The following POFUT2 variants were observed in gnomAD, a reference collection of about 807,000 sequenced individuals.
The protein encoded by POFUT2 is GDP-fucose protein O-fucosyltransferase 2.
In POFUT2, 30 loss-of-function variants were observed where a neutral mutation model predicts 55.0. That is an observed-to-expected ratio of 0.55 (90% CI 0.41 to 0.74). The LOEUF is 0.74. Ranked by LOEUF, POFUT2 falls within the 30% of genes least tolerant of loss-of-function variation. The pLI is 0.00. For missense variants in POFUT2, 524 were observed against 562.6 expected, an observed-to-expected ratio of 0.93 and a Z score of 0.69; for synonymous variants, 267 against 231.1, an observed-to-expected ratio of 1.16 and a Z score of -1.41.
chr21:45,267,844 C>A lies in POFUT2; in HGVS notation c.1013-131G>T. ...TAGGAACTGGCTCCAAAGGTGCAGA[C>A]ACACAACTCAGCTTTACCCTCCCAG... On this transcript the variant is annotated intron_variant, in intron 7 of 8. Coordinates refer to ENST00000349485, the MANE Select transcript of POFUT2 (RefSeq NM_133635.6). This position sits in a 1 kb window ranked among gnomAD's most constrained non-coding sequence, Gnocchi z 4.4. The A allele has an allele frequency of 1.3e-6, 1 of 751,804 alleles. No homozygotes were observed. The highest frequency in any genetic ancestry group is 1.7e-5 in the African/African-American group (1 of 57,610). 46.6% of individuals were successfully genotyped at this position (751,804 alleles called of 1,614,324 possible).
intron 4 of POFUT2, among the ~76,000 whole-genome samples, chr21:45,279,996 C>G (rs1428107050): frequency 6.6e-6 from 1 of 152,176 alleles, no homozygotes; most frequent in Admixed American, 6.5e-5. Context: ...GCCTCCGGCC[C>G]TGCTTCTAAT....
In POFUT2 at chr21:45,279,888, G is replaced by A. The variant is rs6650863; in HGVS notation, c.639-1719C>T. 8.9e-3 allele frequency among the ~76,000 whole-genome samples: 1,349 copies of A among 152,332 alleles called. 4 individuals are homozygous for A. The highest frequency in any genetic ancestry group is 0.027 in the Middle Eastern group (8 of 294). ...ACTGAAAACCGCATGGAGAGGGCAC[G>A]TGTGGTGATTCCACGTGTGTTTCAA... On this transcript the variant is annotated intron_variant, in intron 4 of 8. Coordinates refer to ENST00000349485, the MANE Select transcript of POFUT2 (RefSeq NM_133635.6).
rs145949373 is a variant in POFUT2 at position 45,285,833 on chromosome 21, G to A, written c.227C>T (p.Thr76Met). ...AGGCAGGACAAGCACCCACTCCTCC[G>A]TCTTCAGCAGAGTCTTCAGGAGAGA... is the stretch of plus-strand genomic sequence containing the variant. The part of the protein sequence containing the change: ...IASLLKTLLK[T>M]EEWVLVLPPW... Residue 76 changes from threonine to methionine, a missense_variant, in exon 2 of 9, where the codon ACG (threonine) becomes ATG (methionine). This residue lies in a region of POFUT2 where 274 missense variants were observed against 244.4 expected (regional missense o/e 1.12). Transcript: ENST00000349485. The surrounding 1 kb of genome is among the most constrained non-coding windows in gnomAD (Gnocchi z 4.9). 148 of 1,613,412 alleles carry A rather than the reference G, an allele frequency of 9.2e-5. No individual in the cohort carries two copies. In the African/African-American group the frequency reaches 1.8e-3, roughly 19 times the overall value.
rs1418682135 is a variant in POFUT2, at chr21:45,282,245, G to A, written c.638+104C>T. The A allele has an allele frequency of 6.6e-6, 5 of 763,150 alleles. No homozygotes were observed. Among genetic ancestry groups the A allele is most frequent in the Non-Finnish European group, 1.1e-5 (5 of 448,340 alleles). 47.3% of individuals were successfully genotyped at this position (763,150 alleles called of 1,614,324 possible). A position where few individuals can be genotyped will look rare whatever the true frequency, so the allele number is the denominator to read the frequency against. ...CCAGGGTCCGCTGTCTGTGAGGTGGGTGGGCCAGGGATGCGGGAGTATGGG... is the reference window on the plus strand; with the variant it reads ...CCAGGGTCCGCTGTCTGTGAGGTGGATGGGCCAGGGATGCGGGAGTATGGG... On this transcript the variant is annotated intron_variant, in intron 4 of 8. Coordinates refer to ENST00000349485, the MANE Select transcript of POFUT2 (RefSeq NM_133635.6). This position sits in a 1 kb window ranked among gnomAD's most constrained non-coding sequence, Gnocchi z 4.6.
At position 45,278,088 on chromosome 21, in the gene POFUT2, C is replaced by G; in HGVS notation, c.705+15G>C. ...ATACACTAACTGAGAAAAACGCTCC[C>G]GAGGAAACACTCACATCCCAGTATT... On this transcript the variant is annotated intron_variant, in intron 5 of 8. Coordinates refer to ENST00000349485, the MANE Select transcript of POFUT2 (RefSeq NM_133635.6). The G allele has an allele frequency of 6.2e-7, 1 of 1,608,106 alleles. No individual in the cohort carries two copies. Among genetic ancestry groups the G allele is most frequent in the South Asian group, 1.1e-5 (1 of 90,952 alleles).
intron 4 of POFUT2, 24 bp from the exon 5 acceptor site, chr21:45,278,193 A>G (rs2030041998): frequency 6.3e-7 from 1 of 1,584,510 alleles, no homozygotes; most frequent in Non-Finnish European, 8.7e-7. Context: ...ACAGAAGAAT[A>G]AACAGTTATA....
rs112847906 is a variant in POFUT2 at position 45,265,972 on chromosome 21, C to T, written c.1137-337G>A. On this transcript the variant is annotated intron_variant, in intron 8 of 8. Coordinates refer to ENST00000349485, the MANE Select transcript of POFUT2 (RefSeq NM_133635.6). This position sits in a 1 kb window ranked among gnomAD's most constrained non-coding sequence, Gnocchi z 4.6. The stretch of plus-strand genomic sequence containing the variant: ...CCAGGCCAGGCACGCCAGTGCAGGT[C>T]GAATACCTCCTGGGGGTCACATGGT... 0.024 allele frequency: 29,886 copies of T among 1,232,264 alleles called. 409 individuals carry two copies. Among genetic ancestry groups the T allele is most frequent in the Non-Finnish European group, 0.028 (26,998 of 968,492 alleles). The allele number at this position is 1,232,264 out of a possible 1,614,324, so 76.3% of individuals were successfully genotyped here. A position where few individuals can be genotyped will look rare whatever the true frequency, so the allele number is the denominator to read the frequency against.
intron 7 of POFUT2, among the ~76,000 whole-genome samples, chr21:45,268,521 C>G: frequency 6.8e-6 from 1 of 147,914 alleles, no homozygotes; most frequent in South Asian, 2.2e-4. Context: ...CGGCCGCCAT[C>G]CCATCTAGGA....
At chr21:45,271,037 C>A (rs1869108799) in intron 6 of POFUT2, among the ~76,000 whole-genome samples, 1 of 151,994 alleles carries the variant, frequency 6.6e-6, no homozygotes, top group Non-Finnish European at 1.5e-5. Flanking sequence ...TGGATCCAAA[C>A]CAGGAAGAAA....
In POFUT2 at chr21:45,265,761, C is replaced by A. The variant is rs1306129316; in HGVS notation, c.1137-126G>T. ...CACAGTTACATGGAACCAACACGGC[C>A]GTCCCCCGAGCACCCACCAGCCGGC... On this transcript the variant is annotated intron_variant, in intron 8 of 8. Coordinates refer to ENST00000349485, the MANE Select transcript of POFUT2 (RefSeq NM_133635.6). The surrounding 1 kb of genome is among the most constrained non-coding windows in gnomAD (Gnocchi z 4.6). The A allele has an allele frequency of 6.2e-6, 9 of 1,456,174 alleles. No homozygotes were observed. The highest frequency in any genetic ancestry group is 8.1e-6 in the Non-Finnish European group (9 of 1,108,726). The allele number at this position is 1,456,174 out of a possible 1,614,324, so 90.2% of individuals were successfully genotyped here. A position where few individuals can be genotyped will look rare whatever the true frequency, so the allele number is the denominator to read the frequency against.
intron 7 of POFUT2, among the ~76,000 whole-genome samples, chr21:45,268,773 G>A (rs1173099729): frequency 6.7e-6 from 1 of 149,308 alleles, no homozygotes; most frequent in African/African-American, 2.5e-5. Flanking sequence ...GAAGTGAGGA[G>A]CGTCTCCGCC....
chr21:45,266,304 G>A, intron 8 of POFUT2: 9 of 1,365,928 alleles, frequency 6.6e-6, no homozygotes, highest in Non-Finnish European at 8.8e-6. Context: ...GAGCCACAGG[G>A]CCAGCAGGCC....
intron 4 of POFUT2, 129 bp from the exon 5 acceptor site, chr21:45,278,298 C>G (rs2030061368): frequency 1.2e-6 from 1 of 803,404 alleles, no homozygotes; most frequent in African/African-American, 1.7e-5. Flanking sequence ...GGACACTAAC[C>G]AGGGCGCGTT....
chr21:45,267,097 A>G lies in POFUT2; in HGVS notation c.1136+493T>C. Reference sequence around the variant, plus strand: ...CCTCGGGGACGCTCACGGCAGCCCCACAAGAACGATCACACGAGGGCCCAT... The same window carrying G: ...CCTCGGGGACGCTCACGGCAGCCCCGCAAGAACGATCACACGAGGGCCCAT... On this transcript the variant is annotated intron_variant, in intron 8 of 8. Coordinates refer to ENST00000349485, the MANE Select transcript of POFUT2 (RefSeq NM_133635.6). The surrounding 1 kb of genome is among the most constrained non-coding windows in gnomAD (Gnocchi z 4.4). The G allele has an allele frequency of 8.7e-7, 1 of 1,144,568 alleles. No individual in the cohort carries two copies. The highest frequency in any genetic ancestry group is 1.1e-6 in the Non-Finnish European group (1 of 925,266). 70.9% of individuals were successfully genotyped at this position (1,144,568 alleles called of 1,614,324 possible).
intron 4 of POFUT2, among the ~76,000 whole-genome samples, chr21:45,279,394 C>A (rs1264595555): frequency 3.3e-5 from 5 of 150,712 alleles, no homozygotes; most frequent in South Asian, 2.1e-4. Flanking sequence ...GACTCAGTCT[C>A]AAAAAAAATA....
At chr21:45,275,433 G>A (rs986270473) in intron 6 of POFUT2, among the ~76,000 whole-genome samples, 2 of 152,172 alleles carry the variant, frequency 1.3e-5, no homozygotes, top group African/African-American at 4.8e-5. Flanking sequence ...CTACCCAGAG[G>A]AAAAGAAGCC....
At chr21:45,279,947 C>T (rs914426948) in intron 4 of POFUT2, among the ~76,000 whole-genome samples, 3 of 152,186 alleles carry the variant, frequency 2.0e-5, no homozygotes, top group African/African-American at 7.2e-5. Context: ...CCATGTGAGG[C>T]GATTTCTGGA....
chr21:45,270,887 C>A lies in POFUT2; in HGVS notation c.832-868G>T, dbSNP rs2093213601. On this transcript the variant is annotated intron_variant, in intron 6 of 8. Coordinates refer to ENST00000349485, the MANE Select transcript of POFUT2 (RefSeq NM_133635.6). This position sits in a 1 kb window ranked among gnomAD's most constrained non-coding sequence, Gnocchi z 4.6. ...AGAGCACCCCGTGGGATAAAAGAAT[C>A]TGAACAGTAGCCCGTGAGTTCCAGA... Among the ~76,000 whole-genome samples, 1 of 152,252 alleles carries A rather than the reference C, an allele frequency of 6.6e-6. No homozygotes were observed. Among genetic ancestry groups the A allele is most frequent in the South Asian group, 2.1e-4 (1 of 4,828 alleles).
intron 4 of POFUT2, among the ~76,000 whole-genome samples, chr21:45,280,257 T>G (rs1017726394): frequency 3.3e-5 from 5 of 152,262 alleles, no homozygotes; most frequent in African/African-American, 1.2e-4. Context: ...GTCTTTGACC[T>G]TCATGCACAT....
Sources: gnomAD v4.1 joint callset for allele counts (sites outside exome capture counted in the v4.1 genomes callset) on GRCh38, gnomAD v4.1.1 for gene constraint, gnomAD v4.1.1 regional missense constraint, Gnocchi (gnomAD v3.1) non-coding constraint, MANE v1.5 for transcripts, NCBI Gene and HGNC (gene_info 2026-07-23, HGNC 2026-07-21) for gene names.